The following CUTC variants were observed in gnomAD, a reference collection of about 807,000 sequenced individuals.
CUTC encodes the protein copper homeostasis protein cutC homolog.
A neutral mutation model predicts 36.2 loss-of-function variants in CUTC; 27 were observed. That is an observed-to-expected ratio of 0.75 (90% confidence interval 0.55 to 1.03). CUTC has a LOEUF of 1.03. Among genes scored for constraint, CUTC ranks in the 50% least tolerant of loss-of-function variants. The pLI, the probability that CUTC is intolerant of heterozygous loss-of-function variation, is 0.00. For synonymous variants in CUTC, 114 were observed against 118.3 expected (o/e 0.96, Z 0.24); for missense variants, 315 against 343.5 (o/e 0.92, Z 0.66).
chr10:99,735,123 AAAAC>A (rs1396877509), intron 1 of CUTC, among the ~76,000 whole-genome samples: 26 of 150,866 alleles, frequency 1.7e-4, no homozygotes, highest in African/African-American at 5.8e-4. Context: ...AAAAAAAAAA[AAAAC>A]AAACTTAGGA....
At chr10:99,751,211 C>T (rs1033497019) in intron 7 of CUTC, among the ~76,000 whole-genome samples, 1 of 152,106 alleles carries the variant, frequency 6.6e-6, no homozygotes, top group Non-Finnish European at 1.5e-5. Context: ...GGGATGTTAC[C>T]ATAATGACAA....
chr10:99,735,806 T>C (rs1490463482), intron 1 of CUTC, among the ~76,000 whole-genome samples: 1 of 152,208 alleles, frequency 6.6e-6, no homozygotes, highest in African/African-American at 2.4e-5. Flanking sequence ...ATCTACCTTG[T>C]TTTATAGAAA....
intron 6 of CUTC, 98 bp from the exon 7 acceptor site, chr10:99,750,271 T>G: frequency 1.3e-6 from 1 of 763,614 alleles, no homozygotes; most frequent in East Asian, 3.2e-5. Context: ...TTTTTAAAAT[T>G]TAATATATTC....
At position 99,739,655 on chromosome 10, in the gene CUTC, GT is replaced by G. The variant is rs2037324609; in HGVS notation, c.134-52del. ...AAAAAATATATATAAACAGGTTGCTGTTTAATAACAGCTTATTTTTTAAAAA... is the reference window on the plus strand; with the variant it reads ...AAAAAATATATATAAACAGGTTGCTGTTAATAACAGCTTATTTTTTAAAAA... On this transcript the variant is annotated intron_variant, in intron 2 of 8. Coordinates refer to ENST00000370476, the MANE Select transcript of CUTC (RefSeq NM_015960.3). 3.3e-6 allele frequency: 5 copies of G among 1,525,962 alleles called. No individual in the cohort carries two copies. In the Admixed American group the frequency reaches 7.1e-5, roughly 22 times the overall value. The allele number at this position is 1,525,962 out of a possible 1,614,324, so 94.5% of individuals were successfully genotyped here.
In CUTC at chr10:99,732,269, A is replaced by G; in HGVS notation, c.-80A>G. 6.5e-7 allele frequency: 1 copy of G among 1,538,272 alleles called. No individual in the cohort carries two copies. Among genetic ancestry groups the G allele is most frequent in the Admixed American group, 2.1e-5 (1 of 48,702 alleles). ...CGCGCACGGGCGCGCGCAGCTGTTG[A>G]CGCGCTTCTTAGCTGGTGCGCGCCG... On this transcript the variant is annotated 5_prime_UTR_variant, in exon 1 of 9. Transcript: ENST00000370476.
intron 2 of CUTC, among the ~76,000 whole-genome samples, chr10:99,736,954 TTTTA>T (rs747999097): frequency 3.2e-4 from 49 of 152,322 alleles, no homozygotes; most frequent in Admixed American, 1.2e-3. Context: ...TTATCACTTA[TTTTA>T]TTTTTAAATC....
chr10:99,744,246 T>G (rs946259014), intron 5 of CUTC, among the ~76,000 whole-genome samples, 174 bp downstream of exon 5: 18 of 152,196 alleles, frequency 1.2e-4, no homozygotes, highest in Non-Finnish European at 2.2e-4. Context: ...TCTAGAAAAT[T>G]TGAAGCCTTA....
At position 99,743,335 on chromosome 10, in the gene CUTC, G is replaced by A. The variant is rs2037354026; in HGVS notation, c.376G>A (p.Asp126Asn). 2 of 1,613,994 alleles carry A rather than the reference G, an allele frequency of 1.2e-6. No homozygotes were observed. Among genetic ancestry groups the A allele is most frequent in the African/African-American group, 2.7e-5 (2 of 74,902 alleles). ...GGCATTGACTGAAGATGGACACATT[G>A]ACAAAGAGCTGTGTATGTCCCTTAT... ...FGALTEDGHI[D>N]KELCMSLMAI... The change falls in exon 4 of 9, where the codon GAC becomes AAC. Residue 126 changes from aspartate (D) to asparagine (N), a missense_variant. Transcript: ENST00000370476.
intron 3 of CUTC, among the ~76,000 whole-genome samples, chr10:99,742,912 G>C (rs565533179): frequency 3.5e-4 from 53 of 152,214 alleles, no homozygotes; most frequent in African/African-American, 6.3e-4. Flanking sequence ...CCAATAAAAG[G>C]GTTCTGAGTC....
rs560034682 is a variant in CUTC at position 99,743,255 on chromosome 10, T to C, written c.296T>C (p.Met99Thr). The part of the protein sequence containing the change: ...FLYSDREIEV[M>T]KADIRLAKLY... The stretch of plus-strand genomic sequence containing the variant: ...TATTCAGATCGTGAAATTGAGGTGA[T>C]GAAGGCTGACATTCGTCTTGCCAAG... The change falls in exon 4 of 9, where the codon ATG becomes ACG. Residue 99 changes from methionine to threonine, a missense_variant. Met to Thr is a moderately conservative substitution (Grantham distance 81). Transcript: ENST00000370476. 8 of 1,614,186 alleles carry C rather than the reference T, an allele frequency of 5.0e-6. No individual in the cohort carries two copies. In the East Asian group the frequency reaches 8.9e-5, roughly 18 times the overall value.
chr10:99,743,665 G>C (rs1209032744), intron 4 of CUTC, among the ~76,000 whole-genome samples: 1 of 152,162 alleles, frequency 6.6e-6, no homozygotes, highest in African/African-American at 2.4e-5. Flanking sequence ...AAGTATTATA[G>C]TTGGTGAGGA....
At chr10:99,733,588 C>G (rs192797736) in intron 1 of CUTC, among the ~76,000 whole-genome samples, 16 of 152,050 alleles carry the variant, frequency 1.1e-4, no homozygotes, top group African/African-American at 3.1e-4. Context: ...AAGCCGAGAT[C>G]GCGCCAATGC....
At chr10:99,748,115 G>A (rs1244774235) in intron 6 of CUTC, among the ~76,000 whole-genome samples, 12 of 152,146 alleles carry the variant, frequency 7.9e-5, no homozygotes, top group Admixed American at 7.9e-4. Flanking sequence ...TGAGAGAGTT[G>A]AGCGTTTGAG....
chr10:99,741,933 T>C (rs2037344604), intron 3 of CUTC, among the ~76,000 whole-genome samples: 1 of 152,174 alleles, frequency 6.6e-6, no homozygotes, highest in South Asian at 2.1e-4. Flanking sequence ...ACTCCAGTGT[T>C]ATCTTTCTGT....
chr10:99,738,389 G>GGGGTGT lies in CUTC; in HGVS notation c.134-1320_134-1319insGGTGTG, dbSNP rs148974907. Among the ~76,000 whole-genome samples, 28 of 142,962 alleles carry GGGGTGT rather than the reference G, an allele frequency of 2.0e-4. No homozygotes were observed. The East Asian group carries it at 3.3e-3, about 17-fold the overall frequency. 93.8% of individuals were successfully genotyped at this position (142,962 alleles called of 152,430 possible). ...AGATTTCTCCAGTTGACTCATACAG[G>GGGGTGT]GTGTGTGTGTGTGTGTGTGTGTGTG... On this transcript the variant is annotated intron_variant, in intron 2 of 8. Coordinates refer to ENST00000370476, the MANE Select transcript of CUTC (RefSeq NM_015960.3).
At chr10:99,750,347 G>GC in intron 6 of CUTC, 22 bp from the exon 7 acceptor site, 1 of 1,215,860 alleles carries the variant, frequency 8.2e-7, no homozygotes, top group South Asian at 1.5e-5. Context: ...AAATTCACTT[G>GC]TTTTTTTTTT....
At chr10:99,735,861 A>C (rs1460003376) in intron 1 of CUTC, among the ~76,000 whole-genome samples, 2 of 152,218 alleles carry the variant, frequency 1.3e-5, no homozygotes, top group Non-Finnish European at 2.9e-5. Context: ...AGTTGGTGGG[A>C]CATGGATTTG....
chr10:99,744,138 C>T, intron 5 of CUTC, 66 bp downstream of exon 5: 2 of 1,306,502 alleles, frequency 1.5e-6, no homozygotes, highest in South Asian at 2.4e-5. Flanking sequence ...ACAACTGCCA[C>T]CACCTTTTTA....
At chr10:99,736,149 C>A (rs1289482328) in intron 1 of CUTC, 97 bp from the exon 2 acceptor site, 2 of 893,160 alleles carry the variant, frequency 2.2e-6, no homozygotes, top group African/African-American at 1.6e-5. Context: ...TGTTATTGGA[C>A]ATTTGCATTT....
Sources: gnomAD v4.1 joint callset for allele counts (sites outside exome capture counted in the v4.1 genomes callset) on GRCh38, gnomAD v4.1.1 for gene constraint, MANE v1.5 for transcripts, NCBI Gene and HGNC (gene_info 2026-07-23, HGNC 2026-07-21) for gene names.